ARHGEF18: variants seen among roughly 807,000 people sequenced by gnomAD.
ARHGEF18 encodes Rho/Rac guanine nucleotide exchange factor 18, also known as rho guanine nucleotide exchange factor 18.
Under a neutral mutation model 155.7 loss-of-function variants are expected in ARHGEF18, and 93 were observed. That is an observed-to-expected ratio of 0.60 (90% CI 0.50 to 0.71). The LOEUF is 0.71. ARHGEF18 is among the 30% of genes least tolerant of loss of function. The pLI is 0.00. For missense variants in ARHGEF18, 1,593 were observed against 1,816.1 expected (o/e 0.88, Z 2.23); for synonymous variants, 742 against 753.1 (o/e 0.99, Z 0.24).
At chr19:7,405,397 T>C (rs1316379575) in intron 10 of ARHGEF18, among the ~76,000 whole-genome samples, 2 of 152,182 alleles carry the variant, frequency 1.3e-5, no homozygotes, top group Non-Finnish European at 2.9e-5. Context: ...CTCCCTCTCC[T>C]TTCTCTACAC....
chr19:7,381,090 G>A (rs1368179816), intron 8 of ARHGEF18, 96 bp downstream of exon 8: 1 of 940,512 alleles, frequency 1.1e-6, no homozygotes, highest in East Asian at 3.3e-5. Context: ...GCTGGGGGCA[G>A]GAGCTGGAGC....
At chr19:7,364,138 G>T (rs1969769804) in intron 2 of ARHGEF18, among the ~76,000 whole-genome samples, 1 of 151,080 alleles carries the variant, frequency 6.6e-6, no homozygotes, top group Non-Finnish European at 1.5e-5. Flanking sequence ...ATAAATAAAA[G>T]AATAAAGGAA....
At chr19:7,400,984 C>G (rs1971996896) in intron 10 of ARHGEF18, among the ~76,000 whole-genome samples, 1 of 152,168 alleles carries the variant, frequency 6.6e-6, no homozygotes, top group Non-Finnish European at 1.5e-5. Context: ...CAGTTACACT[C>G]TGTGTAGGGA....
Position 7,444,424 on chromosome 19 carries a change from C to T in ARHGEF18, c.1581C>T (p.Ile527=). ...LEEGSDRNYV[I]QKIGDLLVQQ... Reference sequence around the variant, plus strand: ...AGGGCAGTGACCGGAATTATGTCATCCAGAAAATCGGCGACCTCCTGGTTC... The same window carrying T: ...AGGGCAGTGACCGGAATTATGTCATTCAGAAAATCGGCGACCTCCTGGTTC... The change falls in exon 14 of 29, where the codon ATC becomes ATT. Residue 527 remains isoleucine, a synonymous_variant. Transcript: ENST00000668164. This position sits in a 1 kb window ranked among gnomAD's most constrained non-coding sequence, Gnocchi z 4.7. 6.2e-7 allele frequency: 1 copy of T among 1,613,712 alleles called. No homozygotes were observed. The highest frequency in any genetic ancestry group is 8.5e-7 in the Non-Finnish European group (1 of 1,179,986).
intron 7 of ARHGEF18, among the ~76,000 whole-genome samples, chr19:7,380,083 G>A (rs965111185): frequency 3.3e-5 from 5 of 151,212 alleles, no homozygotes; most frequent in African/African-American, 9.7e-5. Context: ...GGGTGTTGAC[G>A]CAGGAGGATG....
At position 7,463,860 on chromosome 19, in the gene ARHGEF18, C is replaced by T; in HGVS notation, c.2678C>T (p.Ala893Val). 2 of 1,606,146 alleles carry T rather than the reference C, an allele frequency of 1.2e-6. No individual in the cohort carries two copies. Among genetic ancestry groups the T allele is most frequent in the Non-Finnish European group, 1.7e-6 (2 of 1,176,912 alleles). ...QSLICRQLGSANGQAEDGGSS... is the reference protein window; with the variant it reads ...QSLICRQLGSVNGQAEDGGSS... ...CTGATCTGCAGGCAGCTGGGCAGCG[C>T]CAACGGCCAGGCGGAAGACGGAGGC... The change falls in exon 22 of 29, where the codon GCC (alanine) becomes GTC (valine). Residue 893 changes from alanine (A) to valine (V), a missense_variant. By Grantham distance (64) the Ala-to-Val change is moderately conservative (BLOSUM62 0). Coordinates refer to ENST00000668164, the MANE Select transcript of ARHGEF18 (RefSeq NM_001367823.1). The surrounding 1 kb of genome is among the most constrained non-coding windows in gnomAD (Gnocchi z 5.2).
intron 5 of ARHGEF18, 81 bp downstream of exon 5, chr19:7,376,838 G>A (rs1162507109): frequency 7.0e-6 from 7 of 1,007,082 alleles, no homozygotes; most frequent in Non-Finnish European, 9.0e-6. Context: ...CCCTGTTGGG[G>A]TTTCATCCTT....
intron 10 of ARHGEF18, among the ~76,000 whole-genome samples, chr19:7,431,443 G>A (rs189456801): frequency 1.7e-4 from 25 of 148,928 alleles, no homozygotes; most frequent in African/African-American, 6.0e-4. Flanking sequence ...CTTGGGAGGC[G>A]GAGGTTGCAG....
At chr19:7,443,785 T>TC (rs1041544025) in intron 13 of ARHGEF18, among the ~76,000 whole-genome samples, 14 of 151,966 alleles carry the variant, frequency 9.2e-5, no homozygotes, top group Admixed American at 7.9e-4. Context: ...GCACCTGTAA[T>TC]CCCAGCTACT....
At chr19:7,442,868 G>T (rs774352724) in intron 13 of ARHGEF18, among the ~76,000 whole-genome samples, 2 of 151,978 alleles carry the variant, frequency 1.3e-5, no homozygotes, top group Non-Finnish European at 2.9e-5. Context: ...GTCCTCACAA[G>T]GTCTTCATGG....
At chr19:7,411,248 A>AACTCTTCC (rs1972657106) in intron 10 of ARHGEF18, among the ~76,000 whole-genome samples, 1 of 101,286 alleles carries the variant, frequency 9.9e-6, no homozygotes, top group South Asian at 4.1e-4. Context: ...CCTTTCCCCT[A>AACTCTTCC]CCTCTTCCCC....
intron 7 of ARHGEF18, among the ~76,000 whole-genome samples, chr19:7,380,293 A>G (rs1256967273): frequency 6.6e-6 from 1 of 151,794 alleles, no homozygotes; most frequent in Non-Finnish European, 1.5e-5. Context: ...CCTGACTAAC[A>G]TGGTGAAACC....
At chr19:7,450,451 GATGTTAATACA>G (rs1975312828) in intron 15 of ARHGEF18, among the ~76,000 whole-genome samples, 2 of 3,946 alleles carry the variant, frequency 5.1e-4, no homozygotes, top group African/African-American at 1.4e-3. Flanking sequence ...CCGTTTCCGA[GATGTTAATACA>G]GGATCTTGCT....
chr19:7,458,658 C>CT lies in ARHGEF18; in HGVS notation c.2329dup (p.Trp777LeufsTer14). On this transcript the variant is annotated frameshift_variant, in exon 19 of 29. Transcript: ENST00000668164. LOFTEE classifies it high-confidence loss of function. The stretch of plus-strand genomic sequence containing the variant: ...CGAGCTCCAAAGAGGACAGGAACGC[C>CT]TGGATGGCCCACATCCAAAGGGCTG... 6.2e-7 allele frequency: 1 copy of CT among 1,613,982 alleles called. No individual in the cohort carries two copies. Among genetic ancestry groups the CT allele is most frequent in the Non-Finnish European group, 8.5e-7 (1 of 1,179,946 alleles).
chr19:7,387,301 C>T (rs955295648), intron 10 of ARHGEF18, among the ~76,000 whole-genome samples: 4 of 151,862 alleles, frequency 2.6e-5, no homozygotes, highest in East Asian at 1.9e-4. Context: ...TACAGGTGCC[C>T]GCCACCATGC....
At chr19:7,476,359 C>T (rs1395875438), downstream of ARHGEF18, among the ~76,000 whole-genome samples, 1 of 152,198 alleles carries the variant, frequency 6.6e-6, no homozygotes, top group Non-Finnish European at 1.5e-5. Context: ...GGCCCAAGGG[C>T]GCACACACAC....
intron 13 of ARHGEF18, among the ~76,000 whole-genome samples, chr19:7,442,625 C>G (rs1289376863): frequency 6.6e-6 from 1 of 152,188 alleles, no homozygotes; most frequent in Non-Finnish European, 1.5e-5. Flanking sequence ...ATAATACGTC[C>G]CTGTGAACAT....
At chr19:7,375,217 A>C (rs1241265177) in intron 3 of ARHGEF18, among the ~76,000 whole-genome samples, 1 of 149,258 alleles carries the variant, frequency 6.7e-6, no homozygotes, top group East Asian at 2.0e-4. Flanking sequence ...GGTTGCAGTG[A>C]GCTGCGATCG....
intron 10 of ARHGEF18, among the ~76,000 whole-genome samples, chr19:7,401,846 G>A (rs1972030616): frequency 6.6e-6 from 1 of 152,106 alleles, no homozygotes; most frequent in Non-Finnish European, 1.5e-5. Context: ...ATCAGCTGAG[G>A]AACGGATACA....
Sources: allele counts gnomAD v4.1 joint callset (sites outside exome capture counted in the v4.1 genomes callset), GRCh38; gene constraint gnomAD v4.1.1; non-coding constraint Gnocchi (gnomAD v3.1); transcripts MANE v1.5; gene names NCBI Gene and HGNC (gene_info 2026-07-23, HGNC 2026-07-21).